The following HMGA2 variants were observed in gnomAD, a reference collection of about 807,000 sequenced individuals.
HMGA2 encodes the protein high mobility group protein HMGI-C.
In HMGA2, 8 loss-of-function variants were observed where a neutral mutation model predicts 19.1. That is an observed-to-expected ratio of 0.42 (90% confidence interval 0.25 to 0.76). HMGA2 has a LOEUF of 0.76. HMGA2 is among the 30% of genes least tolerant of loss of function. The pLI is 0.28. For missense variants in HMGA2, 109 were observed against 136.3 expected, an observed-to-expected ratio of 0.80 and a Z score of 1.00; for synonymous variants, 60 against 48.8, an observed-to-expected ratio of 1.23 and a Z score of -0.96.
At chr12:65,853,978 T>C (rs1292866226) in intron 3 of HMGA2, among the ~76,000 whole-genome samples, 1 of 152,250 alleles carries the variant, frequency 6.6e-6, no homozygotes, top group Non-Finnish European at 1.5e-5. Context: ...CTTCCCATGC[T>C]CATGAATCAT....
chr12:65,894,557 C>A (rs1364421437), intron 3 of HMGA2, among the ~76,000 whole-genome samples: 1 of 152,158 alleles, frequency 6.6e-6, no homozygotes, highest in Non-Finnish European at 1.5e-5. Context: ...CATAAGAACT[C>A]TAATAATAAA....
chr12:65,926,608 G>A (rs1184506328), intron 3 of HMGA2, among the ~76,000 whole-genome samples: 2 of 152,304 alleles, frequency 1.3e-5, no homozygotes, highest in East Asian at 3.9e-4. Flanking sequence ...TAAATGTTTA[G>A]CAGTAAAAAG....
chr12:65,860,118 G>A (rs1410996668), intron 3 of HMGA2: 4 of 409,716 alleles, frequency 9.8e-6, no homozygotes, highest in Middle Eastern at 3.5e-4. Flanking sequence ...AAAGAGAAAA[G>A]GAAAAAGGGC....
At chr12:65,831,153 T>C (rs976819541) in intron 2 of HMGA2, 4 of 151,938 alleles carry the variant, frequency 2.6e-5, no homozygotes, top group Admixed American at 6.6e-5. Flanking sequence ...ACCAGTTATG[T>C]CTTAACTTCC....
intron 3 of HMGA2, among the ~76,000 whole-genome samples, chr12:65,916,895 G>A (rs978081234): frequency 1.3e-5 from 2 of 152,216 alleles, no homozygotes; most frequent in African/African-American, 2.4e-5. Flanking sequence ...CACTTGGGCC[G>A]CTTATGTGAG....
chr12:65,913,357 A>AT (rs1874926541), intron 3 of HMGA2, among the ~76,000 whole-genome samples: 1 of 152,108 alleles, frequency 6.6e-6, no homozygotes, highest in African/African-American at 2.4e-5. Context: ...CAGGAAGAAG[A>AT]TCCCCCAGTC....
chr12:65,836,639 G>A (rs142876068), intron 2 of HMGA2, among the ~76,000 whole-genome samples: 382 of 152,316 alleles, frequency 2.5e-3, no homozygotes, highest in South Asian at 8.7e-3. Context: ...CTCTCCATGA[G>A]GCAATGCTCT....
At position 65,963,764 on chromosome 12, in the gene HMGA2, C is replaced by T; in HGVS notation, c.*472C>T. 1 of 258,946 alleles carries T rather than the reference C, an allele frequency of 3.9e-6. No individual in the cohort carries two copies. The highest frequency in any genetic ancestry group is 7.4e-6 in the Non-Finnish European group (1 of 136,026). 16.0% of individuals were successfully genotyped at this position (258,946 alleles called of 1,614,324 possible). ...CACTGTGTACACCTCAAATACCACC[C>T]CAACCCACTCCCTGTAGTGAATCCT... On this transcript the variant is annotated 3_prime_UTR_variant, in exon 5 of 5. Transcript: ENST00000403681.
intron 2 of HMGA2, among the ~76,000 whole-genome samples, chr12:65,836,291 G>T (rs1016979857): frequency 6.6e-6 from 1 of 151,612 alleles, no homozygotes; most frequent in African/African-American, 2.4e-5. Context: ...CCCGGGAGGC[G>T]CAGCTTGCAG....
chr12:65,896,678 T>A (rs892573688), intron 3 of HMGA2, among the ~76,000 whole-genome samples: 3 of 152,234 alleles, frequency 2.0e-5, no homozygotes, highest in Admixed American at 2.0e-4. Flanking sequence ...GGCAAGGCCT[T>A]TGTTGAACAT....
At chr12:65,849,730 C>G (rs867449185) in intron 3 of HMGA2, among the ~76,000 whole-genome samples, 2 of 118,608 alleles carry the variant, frequency 1.7e-5, no homozygotes, top group African/African-American at 8.9e-5. Flanking sequence ...CAATGGTAGG[C>G]TCTGTATTTT....
Position 65,964,734 on chromosome 12 carries a change from GT to G in HMGA2, c.*1449del, listed in dbSNP as rs755710279. 18 of 197,244 alleles carry G rather than the reference GT, an allele frequency of 9.1e-5. 1 individual carries two copies. Among genetic ancestry groups the G allele is most frequent in the South Asian group, 3.9e-4 (2 of 5,182 alleles). 12.2% of individuals were successfully genotyped at this position (197,244 alleles called of 1,614,324 possible). On this transcript the variant is annotated 3_prime_UTR_variant, in exon 5 of 5. Coordinates refer to ENST00000403681, the MANE Select transcript of HMGA2 (RefSeq NM_003483.6). ...TCAGCATGACTATGTATTTTTCTAT[GT>G]TTTTTTAATTAAAAATTTTTAAAAT...
chr12:65,928,093 T>A (rs1875578003), intron 3 of HMGA2, among the ~76,000 whole-genome samples: 1 of 151,946 alleles, frequency 6.6e-6, no homozygotes. Flanking sequence ...TGTGTTAGCA[T>A]CAAAGAGTGT....
At chr12:65,850,054 G>A (rs549275830) in intron 3 of HMGA2, among the ~76,000 whole-genome samples, 1 of 152,038 alleles carries the variant, frequency 6.6e-6, no homozygotes, top group African/African-American at 2.4e-5. Flanking sequence ...TCCTCTATTG[G>A]TGGTTGAATT....
At chr12:65,828,322 C>T in intron 2 of HMGA2, 1 of 367,984 alleles carries the variant, frequency 2.7e-6, no homozygotes. Flanking sequence ...CAAACAGCCA[C>T]CAAATAATTT....
chr12:65,875,589 AT>A (rs71096056), intron 3 of HMGA2, among the ~76,000 whole-genome samples: 12 of 26,096 alleles, frequency 4.6e-4, no homozygotes, highest in African/African-American at 1.1e-3. Context: ...GTGCCCGGCT[AT>A]TTTTTTTTTT....
At chr12:65,843,440 T>C (rs1871091513) in intron 3 of HMGA2, 1 of 198,474 alleles carries the variant, frequency 5.0e-6, no homozygotes, top group Non-Finnish European at 1.0e-5. Flanking sequence ...TTTTTTCCCC[T>C]AGTTTGTAGA....
intron 3 of HMGA2, among the ~76,000 whole-genome samples, chr12:65,912,624 G>A (rs1874895038): frequency 6.6e-6 from 1 of 152,128 alleles, no homozygotes; most frequent in Non-Finnish European, 1.5e-5. Flanking sequence ...GAAGTTAAAG[G>A]AACAACCTGA....
rs577755484 is a variant in HMGA2 at position 65,899,671 on chromosome 12, T to A, written c.250-51712T>A. On this transcript the variant is annotated intron_variant, in intron 3 of 4. Transcript: ENST00000403681. ...TGTGCTCTGCATTCTAGACATTTTA[T>A]CATGGTCTGCACCCTTCAGGATCTT... 1.1e-4 allele frequency among the ~76,000 whole-genome samples: 16 copies of A among 152,348 alleles called. No individual in the cohort carries two copies. In the South Asian group the frequency reaches 3.1e-3, roughly 30 times the overall value.
Sources: allele counts gnomAD v4.1 joint callset (sites outside exome capture counted in the v4.1 genomes callset), GRCh38; gene constraint gnomAD v4.1.1; transcripts MANE v1.5; gene names NCBI Gene and HGNC (gene_info 2026-07-23, HGNC 2026-07-21).